IPO11: variants seen among roughly 807,000 people sequenced by gnomAD.
IPO11 encodes the protein importin 11.
IPO11 carries 66 observed loss-of-function variants against 143.2 expected under a neutral mutation model. The observed-to-expected ratio is 0.46, with a 90% CI of 0.38 to 0.57. The LOEUF (loss-of-function observed/expected upper bound fraction) is 0.57. Ranked by LOEUF, IPO11 falls within the 20% of genes least tolerant of loss-of-function variation. The pLI is 0.00. For synonymous variants in IPO11, 385 were observed against 377.8 expected (o/e 1.02, Z -0.22); for missense variants, 1,026 against 1,141.0 (o/e 0.90, Z 1.45).
intron 5 of IPO11, among the ~76,000 whole-genome samples, chr5:62,457,195 A>G (rs1745192391): frequency 6.6e-6 from 1 of 152,124 alleles, no homozygotes; most frequent in Non-Finnish European, 1.5e-5. Context: ...ATGATGAATA[A>G]TGTTCTCATT....
At chr5:62,441,385 C>T (rs904417518) in intron 2 of IPO11, among the ~76,000 whole-genome samples, 4 of 150,062 alleles carry the variant, frequency 2.7e-5, no homozygotes, top group East Asian at 2.0e-4. Context: ...TTTATAGAAA[C>T]GGGATTTCTC....
At chr5:62,514,793 C>G (rs1741948936) in intron 19 of IPO11, among the ~76,000 whole-genome samples, 1 of 152,234 alleles carries the variant, frequency 6.6e-6, no homozygotes, top group African/African-American at 2.4e-5. Flanking sequence ...GAGCTGTGCT[C>G]CAGGGTAAAA....
At chr5:62,435,148 A>ATG (rs1246402539) in intron 1 of IPO11, among the ~76,000 whole-genome samples, 4 of 97,560 alleles carry the variant, frequency 4.1e-5, no homozygotes, top group Middle Eastern at 4.7e-3. Flanking sequence ...ATATATGTAT[A>ATG]TATGTATATA....
At chr5:62,569,590 A>T (rs978086387) in intron 27 of IPO11, among the ~76,000 whole-genome samples, 1 of 152,190 alleles carries the variant, frequency 6.6e-6, no homozygotes, top group Non-Finnish European at 1.5e-5. Context: ...TAATTTGTGG[A>T]AAGGGGCAGT....
rs1014679643 is a variant in IPO11 at position 62,537,209 on chromosome 5, A to G, written c.2170A>G (p.Thr724Ala). Residue 724 changes from threonine to alanine, a missense_variant and splice_region_variant, in exon 24 of 30, where the codon ACA becomes GCA. Physicochemically the swap from Thr to Ala is moderately conservative, Grantham distance 58. Coordinates refer to ENST00000325324, the MANE Select transcript of IPO11 (RefSeq NM_016338.5). ...IFLSSTEFLQ[T>A]YAVGLCQSFC... Reference sequence around the variant, plus strand: ...ATATTGACTTTTAATTGAATTTCAGACATACGCAGTAGGTCTATGCCAGTC... The same window carrying G: ...ATATTGACTTTTAATTGAATTTCAGGCATACGCAGTAGGTCTATGCCAGTC... The G allele has an allele frequency of 5.7e-6, 9 of 1,575,972 alleles. No individual in the cohort carries two copies. Among genetic ancestry groups the G allele is most frequent in the Non-Finnish European group, 7.8e-6 (9 of 1,152,402 alleles).
chr5:62,550,300 C>T (rs1269561919), intron 24 of IPO11, 67 bp from the exon 25 acceptor site: 15 of 1,189,862 alleles, frequency 1.3e-5, no homozygotes, highest in Non-Finnish European at 1.6e-5. Flanking sequence ...ACATTGTTTC[C>T]TTACATGTGT....
At chr5:62,448,019 A>T (rs544693048) in intron 3 of IPO11, among the ~76,000 whole-genome samples, 1 of 151,932 alleles carries the variant, frequency 6.6e-6, no homozygotes, top group African/African-American at 2.4e-5. Context: ...CCAGCCTCAC[A>T]CTTTGTTTTC....
chr5:62,444,594 G>A (rs1025660096), intron 3 of IPO11, among the ~76,000 whole-genome samples: 1 of 151,820 alleles, frequency 6.6e-6, no homozygotes, highest in East Asian at 1.9e-4. Context: ...TGCTTGTCTT[G>A]GCTGGGCACG....
In IPO11 at chr5:62,434,856, C is replaced by G. The variant is rs1580172505; in HGVS notation, c.-6-2418C>G. The stretch of plus-strand genomic sequence containing the variant: ...CCTGGCCAATATGGTGAAACCCAGT[C>G]TCTACTAAAAATACAAAAATTAGCT... On this transcript the variant is annotated intron_variant, in intron 1 of 29. Transcript: ENST00000325324. Among the ~76,000 whole-genome samples, 4 of 151,440 alleles carry G rather than the reference C, an allele frequency of 2.6e-5. No homozygotes were observed. The Admixed American group carries it at 2.6e-4, about 10-fold the overall frequency.
At chr5:62,527,180 G>T (rs956157594) in intron 21 of IPO11, among the ~76,000 whole-genome samples, 9 of 152,212 alleles carry the variant, frequency 5.9e-5, no homozygotes, top group Non-Finnish European at 1.3e-4. Context: ...TGGCATGTAT[G>T]TGGTTTGGTT....
chr5:62,419,013 G>C, intron 1 of IPO11: 1 of 1,550,528 alleles, frequency 6.4e-7, no homozygotes, highest in Non-Finnish European at 8.7e-7. Context: ...AACAAACCTA[G>C]ATGGTACAGC....
chr5:62,579,487 G>C, intron 27 of IPO11: 1 of 1,550,786 alleles, frequency 6.4e-7, no homozygotes, highest in Non-Finnish European at 8.7e-7. Context: ...GTTTCTGGTT[G>C]TTACCTGTTA....
chr5:62,550,567 T>C, intron 25 of IPO11, 105 bp downstream of exon 25: 5 of 722,704 alleles, frequency 6.9e-6, no homozygotes, highest in Non-Finnish European at 1.1e-5. Flanking sequence ...ATTTGGATCA[T>C]ATTAAATTAT....
rs375636709 is a variant in IPO11 at position 62,476,656 on chromosome 5, C to T, written c.758-27C>T. 10 of 1,499,280 alleles carry T rather than the reference C, an allele frequency of 6.7e-6. 1 individual carries two copies. Among genetic ancestry groups the T allele is most frequent in the Admixed American group, 4.8e-5 (2 of 41,622 alleles). 92.9% of individuals were successfully genotyped at this position (1,499,280 alleles called of 1,614,324 possible). ...GTCTTGGTTGTGAACTTATTAACTTCTAATATTTGAAATGTATTTTTAACA... is the reference window on the plus strand; with the variant it reads ...GTCTTGGTTGTGAACTTATTAACTTTTAATATTTGAAATGTATTTTTAACA... On this transcript the variant is annotated intron_variant, in intron 8 of 29. Coordinates refer to ENST00000325324, the MANE Select transcript of IPO11 (RefSeq NM_016338.5).
At chr5:62,485,283 G>T (rs542388634) in intron 11 of IPO11, 136 bp from the exon 12 acceptor site, 5 of 653,528 alleles carry the variant, frequency 7.7e-6, no homozygotes, top group African/African-American at 7.3e-5. Context: ...ATCTGTGTAA[G>T]GCCTGTGTTC....
chr5:62,548,781 C>T (rs1743295030), intron 24 of IPO11, among the ~76,000 whole-genome samples: 1 of 152,108 alleles, frequency 6.6e-6, no homozygotes, highest in African/African-American at 2.4e-5. Context: ...TCCTTTGACA[C>T]CTTGGGATTC....
At chr5:62,542,912 T>C (rs1396290818) in intron 24 of IPO11, among the ~76,000 whole-genome samples, 1 of 152,200 alleles carries the variant, frequency 6.6e-6, no homozygotes, top group Non-Finnish European at 1.5e-5. Context: ...ACACAAATAT[T>C]TTTAAGGTGT....
chr5:62,596,268 C>CAAAAAAA (rs71608515), intron 28 of IPO11, among the ~76,000 whole-genome samples: 47,254 of 93,348 alleles, frequency 0.51, 11,673 homozygotes, highest in South Asian at 0.6. Flanking sequence ...GGCCCTGTCT[C>CAAAAAAA]AAAAAAAAAA....
intron 21 of IPO11, among the ~76,000 whole-genome samples, chr5:62,527,624 T>C (rs1580286382): frequency 6.6e-6 from 1 of 152,210 alleles, no homozygotes. Flanking sequence ...TGACAATATA[T>C]TAATGTGTTA....
Sources: gnomAD v4.1 joint callset for allele counts (sites outside exome capture counted in the v4.1 genomes callset) on GRCh38, gnomAD v4.1.1 for gene constraint, MANE v1.5 for transcripts, NCBI Gene and HGNC (gene_info 2026-07-23, HGNC 2026-07-21) for gene names.